The following CADPS variants were observed in gnomAD, a reference collection of about 807,000 sequenced individuals.
CADPS encodes the protein calcium dependent secretion activator.
A neutral mutation model predicts 167.3 loss-of-function variants in CADPS; 57 were observed. The observed-to-expected ratio is 0.34, with a 90% CI of 0.28 to 0.42. The LOEUF (loss-of-function observed/expected upper bound fraction) is 0.42, where lower values mean the gene tolerates loss of function less well. Among genes scored for constraint, CADPS ranks in the 20% least tolerant of loss-of-function variants. CADPS has a pLI of 1.00. For missense variants in CADPS, 1,414 were observed against 1,738.1 expected (o/e 0.81, Z 3.32); for synonymous variants, 676 against 635.3 (o/e 1.06, Z -0.96).
intron 1 of CADPS, among the ~76,000 whole-genome samples, chr3:62,830,597 A>G (rs1444907775): frequency 6.6e-6 from 1 of 152,104 alleles, no homozygotes; most frequent in Admixed American, 6.6e-5. Flanking sequence ...AAACCCCACA[A>G]TGCCACTCAG....
At chr3:62,504,855 A>G (rs1047877402) in intron 17 of CADPS, among the ~76,000 whole-genome samples, 3 of 152,168 alleles carry the variant, frequency 2.0e-5, no homozygotes, top group Non-Finnish European at 4.4e-5. Flanking sequence ...TGCATCCAGG[A>G]GCAAGAGACA....
Position 62,557,395 on chromosome 3 carries a change from C to T in CADPS, c.1753+10G>A, listed in dbSNP as rs111246731. On this transcript the variant is annotated intron_variant, in intron 10 of 29. Transcript: ENST00000383710. Reference sequence around the variant, plus strand: ...TTTGTGGGCTCGTGGCCTTGAGGGTCGGTGGGTACCTGGCTGGGGGTCGGT... The same window carrying T: ...TTTGTGGGCTCGTGGCCTTGAGGGTTGGTGGGTACCTGGCTGGGGGTCGGT... The T allele has an allele frequency of 8.8e-6, 14 of 1,597,902 alleles. No individual in the cohort carries two copies. Among genetic ancestry groups the T allele is most frequent in the African/African-American group, 4.0e-5 (3 of 74,516 alleles).
At chr3:62,467,325 T>C (rs886847381) in intron 24 of CADPS, 4 of 1,257,534 alleles carry the variant, frequency 3.2e-6, no homozygotes, top group Non-Finnish European at 4.1e-6. Flanking sequence ...TTCAGAAGGA[T>C]GATTAATTAG....
intron 4 of CADPS, among the ~76,000 whole-genome samples, chr3:62,652,539 G>A (rs2070467215): frequency 6.6e-6 from 1 of 152,052 alleles, no homozygotes; most frequent in Non-Finnish European, 1.5e-5. Flanking sequence ...GAGACATTGA[G>A]ACTGCAATTG....
At chr3:62,451,606 A>T (rs2058057274) in intron 26 of CADPS, among the ~76,000 whole-genome samples, 2 of 151,594 alleles carry the variant, frequency 1.3e-5, no homozygotes, top group African/African-American at 2.4e-5. Context: ...ATGATCTCTC[A>T]CAAAAAAAAA....
intron 3 of CADPS, among the ~76,000 whole-genome samples, chr3:62,707,281 C>T (rs951876301): frequency 1.3e-5 from 2 of 152,092 alleles, no homozygotes; most frequent in Non-Finnish European, 2.9e-5. Context: ...CTAACTAATG[C>T]CTGATGATCT....
Position 62,529,293 on chromosome 3 carries a change from A to G in CADPS, c.2291+3578T>C, listed in dbSNP as rs1041139633. ...TTCTGAAACACACACATAAGCCTCA[A>G]TAGGACCAGTCAAGATCCCTTTAGT... On this transcript the variant is annotated intron_variant, in intron 13 of 29. Coordinates refer to ENST00000383710, the MANE Select transcript of CADPS (RefSeq NM_003716.4). Among the ~76,000 whole-genome samples, 80 of 152,220 alleles carry G rather than the reference A, an allele frequency of 5.3e-4. 1 individual carries two copies. Among genetic ancestry groups the G allele is most frequent in the Non-Finnish European group, 1.5e-4 (10 of 68,032 alleles).
At chr3:62,615,420 AT>A (rs2062107864) in intron 6 of CADPS, among the ~76,000 whole-genome samples, 1 of 152,234 alleles carries the variant, frequency 6.6e-6, no homozygotes. Flanking sequence ...GTAACAAAGC[AT>A]CAGCTGAGTG....
intron 1 of CADPS, among the ~76,000 whole-genome samples, chr3:62,852,217 T>C (rs1297541768): frequency 6.6e-6 from 1 of 151,668 alleles, no homozygotes; most frequent in Non-Finnish European, 1.5e-5. Context: ...GCCTTTGATT[T>C]GAATGTCCTC....
chr3:62,742,474 A>G (rs2080482076), intron 3 of CADPS, among the ~76,000 whole-genome samples: 1 of 152,294 alleles, frequency 6.6e-6, no homozygotes, highest in Middle Eastern at 3.4e-3. Flanking sequence ...ATAAGACTTT[A>G]CACCTACAAA....
rs2061622396 is a variant in CADPS at position 62,478,811 on chromosome 3, T to C, written c.3174-395A>G. Among the ~76,000 whole-genome samples the C allele has an allele frequency of 6.6e-6, 1 of 152,194 alleles. No individual in the cohort carries two copies. Among genetic ancestry groups the C allele is most frequent in the South Asian group, 2.1e-4 (1 of 4,828 alleles). ...ACATGGCAACATGCAGTTATTAAACTTCAGGGTTTCATGCATTTCCCCAGC... is the reference window on the plus strand; with the variant it reads ...ACATGGCAACATGCAGTTATTAAACCTCAGGGTTTCATGCATTTCCCCAGC... On this transcript the variant is annotated intron_variant, in intron 22 of 29. Coordinates refer to ENST00000383710, the MANE Select transcript of CADPS (RefSeq NM_003716.4). This position sits in a 1 kb window ranked among gnomAD's most constrained non-coding sequence, Gnocchi z 5.7.
Position 62,399,951 on chromosome 3 carries a change from A to G in CADPS, c.3883-366T>C, listed in dbSNP as rs1454396870. Among the ~76,000 whole-genome samples, 1 of 152,220 alleles carries G rather than the reference A, an allele frequency of 6.6e-6. No individual in the cohort carries two copies. Among genetic ancestry groups the G allele is most frequent in the African/African-American group, 2.4e-5 (1 of 41,454 alleles). On this transcript the variant is annotated intron_variant, in intron 29 of 29. Coordinates refer to ENST00000383710, the MANE Select transcript of CADPS (RefSeq NM_003716.4). This position sits in a 1 kb window ranked among gnomAD's most constrained non-coding sequence, Gnocchi z 5.6. ...AATATGATAGACACAGGAAGGGGCT[A>G]TAATATATAAATAATGGATTGAGTG...
intron 1 of CADPS, among the ~76,000 whole-genome samples, chr3:62,867,441 T>C (rs1163992041): frequency 2.0e-5 from 3 of 152,100 alleles, no homozygotes; most frequent in Admixed American, 6.5e-5. Flanking sequence ...TTACTTTTGT[T>C]CAAAGTGAGC....
rs941752237 is a variant in CADPS at position 62,438,319 on chromosome 3, T to C, written c.3670-108A>G. 1.1e-5 allele frequency: 8 copies of C among 761,648 alleles called. No individual in the cohort carries two copies. The highest frequency in any genetic ancestry group is 1.6e-5 in the Non-Finnish European group (7 of 443,520). The allele number at this position is 761,648 out of a possible 1,614,324, so 47.2% of individuals were successfully genotyped here. A position where few individuals can be genotyped will look rare whatever the true frequency, so the allele number is the denominator to read the frequency against. On this transcript the variant is annotated intron_variant, in intron 27 of 29. Transcript: ENST00000383710. The surrounding 1 kb of genome is among the most constrained non-coding windows in gnomAD (Gnocchi z 4.7). Reference sequence around the variant, plus strand: ...GCCCTCACACACCCTGAGATGCTTCTGCTGGATCAGCTTTGTAGGCATGGG... The same window carrying C: ...GCCCTCACACACCCTGAGATGCTTCCGCTGGATCAGCTTTGTAGGCATGGG...
At chr3:62,442,836 AATG>A (rs1425344256) in intron 27 of CADPS, among the ~76,000 whole-genome samples, 2 of 152,146 alleles carry the variant, frequency 1.3e-5, no homozygotes, top group African/African-American at 4.8e-5. Context: ...TATAAAACAG[AATG>A]ATAATATTAA....
At chr3:62,404,339 C>T (rs915212320) in intron 28 of CADPS, 36 of 152,568 alleles carry the variant, frequency 2.4e-4, no homozygotes, top group African/African-American at 8.4e-4. Context: ...AGTGGGGATT[C>T]GAAAAGCATA....
chr3:62,642,915 GACAAA>G (rs59057183), intron 6 of CADPS, among the ~76,000 whole-genome samples: 20,179 of 146,756 alleles, frequency 0.14, 1,650 homozygotes, highest in African/African-American at 0.22. Flanking sequence ...TATCTCAAAA[GACAAA>G]ACAAAACAAA....
At chr3:62,684,090 G>A (rs1212757130) in intron 3 of CADPS, among the ~76,000 whole-genome samples, 1 of 151,940 alleles carries the variant, frequency 6.6e-6, no homozygotes, top group Non-Finnish European at 1.5e-5. Flanking sequence ...GGCAAGTTTT[G>A]CTCCACGTCT....
At chr3:62,454,324 C>G (rs960036599) in intron 26 of CADPS, among the ~76,000 whole-genome samples, 1 of 152,156 alleles carries the variant, frequency 6.6e-6, no homozygotes. Flanking sequence ...GATGCATTTA[C>G]CAATGATTGA....
Sources: gnomAD v4.1 joint callset for allele counts (sites outside exome capture counted in the v4.1 genomes callset) on GRCh38, gnomAD v4.1.1 for gene constraint, Gnocchi (gnomAD v3.1) non-coding constraint, MANE v1.5 for transcripts, NCBI Gene and HGNC (gene_info 2026-07-23, HGNC 2026-07-21) for gene names.